Variants in SLC25A21 observed in about 807,000 individuals in gnomAD.
SLC25A21 encodes the protein mitochondrial 2-oxodicarboxylate carrier.
SLC25A21 carries 47 observed loss-of-function variants against 43.8 expected under a neutral mutation model. That is an observed-to-expected ratio of 1.07 (90% confidence interval 0.85 to 1.37). The LOEUF (loss-of-function observed/expected upper bound fraction) is 1.37, where lower values mean the gene tolerates loss of function less well. SLC25A21 is among the 40% of genes most tolerant of loss of function. The pLI, the probability that SLC25A21 is intolerant of heterozygous loss-of-function variation, is 0.00. For missense variants in SLC25A21, 352 were observed against 350.2 expected (o/e 1.00, Z -0.04); for synonymous variants, 131 against 121.3 (o/e 1.08, Z -0.52).
At chr14:37,024,825 T>G (rs1203524777) in intron 1 of SLC25A21, among the ~76,000 whole-genome samples, 4 of 152,082 alleles carry the variant, frequency 2.6e-5, no homozygotes, top group Non-Finnish European at 5.9e-5. Flanking sequence ...ATTAATCTCC[T>G]TATTTATATA....
At position 37,168,652 on chromosome 14, in the gene SLC25A21, A is replaced by G. The variant is rs943470622; in HGVS notation, c.70+3629T>C. ...CAGGATTTTGGACTAGAACCGAAAA[A>G]AAAAGCAAGTTAGTCTCTCACTCTC... On this transcript the variant is annotated intron_variant, in intron 1 of 9. Transcript: ENST00000331299. Among the ~76,000 whole-genome samples the G allele has an allele frequency of 3.9e-5, 6 of 152,030 alleles. 1 individual carries two copies. Among genetic ancestry groups the G allele is most frequent in the Admixed American group, 3.3e-4 (5 of 15,254 alleles).
intron 3 of SLC25A21, among the ~76,000 whole-genome samples, chr14:36,761,344 A>G (rs1886149399): frequency 6.6e-6 from 1 of 152,200 alleles, no homozygotes; most frequent in Non-Finnish European, 1.5e-5. Context: ...CATTCACTTC[A>G]GGCCACTTCC....
chr14:37,092,422 A>C (rs2138852540), intron 1 of SLC25A21, among the ~76,000 whole-genome samples: 1 of 152,134 alleles, frequency 6.6e-6, no homozygotes, highest in East Asian at 1.9e-4. Context: ...TGTTGCTGGC[A>C]TCCATCTCCT....
intron 2 of SLC25A21, among the ~76,000 whole-genome samples, chr14:36,866,031 T>C (rs1174509512): frequency 1.3e-5 from 2 of 152,186 alleles, no homozygotes; most frequent in African/African-American, 4.8e-5. Context: ...AGTCTTTAAC[T>C]ATATGTCTAT....
chr14:36,958,679 G>GCGCACACA (rs1399246300), intron 1 of SLC25A21, among the ~76,000 whole-genome samples: 1 of 136,844 alleles, frequency 7.3e-6, no homozygotes. Context: ...AAGCACACGT[G>GCGCACACA]CACACACACA....
chr14:36,800,234 A>G (rs76103619), intron 3 of SLC25A21, among the ~76,000 whole-genome samples: 183 of 152,280 alleles, frequency 1.2e-3, no homozygotes, highest in African/African-American at 4.3e-3. Flanking sequence ...TACACCAAAG[A>G]ACTGAAAGCA....
At chr14:37,021,288 C>G (rs542146606) in intron 1 of SLC25A21, among the ~76,000 whole-genome samples, 2 of 152,038 alleles carry the variant, frequency 1.3e-5, no homozygotes, top group South Asian at 2.1e-4. Context: ...CAGAACTTAT[C>G]AAGAGACCAC....
At chr14:37,063,331 C>T (rs1047423145) in intron 1 of SLC25A21, among the ~76,000 whole-genome samples, 1 of 151,996 alleles carries the variant, frequency 6.6e-6, no homozygotes, top group Non-Finnish European at 1.5e-5. Context: ...GAAACCCCGT[C>T]TCTACTAAAA....
Position 36,985,077 on chromosome 14 carries a change from C to CA in SLC25A21, c.71-110074dup, listed in dbSNP as rs1399165263. Among the ~76,000 whole-genome samples, 3 of 149,876 alleles carry CA rather than the reference C, an allele frequency of 2.0e-5. No homozygotes were observed. In the East Asian group the frequency reaches 6.0e-4, roughly 30 times the overall value. ...CATTCTCAGTAAACTATCACAAGAA[C>CA]AAAAAACCAAACACCGCATATTCTC... On this transcript the variant is annotated intron_variant, in intron 1 of 9. Coordinates refer to ENST00000331299, the MANE Select transcript of SLC25A21 (RefSeq NM_030631.4).
intron 2 of SLC25A21, among the ~76,000 whole-genome samples, chr14:36,866,586 A>G (rs1890221001): frequency 6.6e-6 from 1 of 152,130 alleles, no homozygotes; most frequent in Non-Finnish European, 1.5e-5. Context: ...CCCCCCACCT[A>G]GGACCTTGCT....
chr14:36,880,692 T>C (rs1890692392), intron 1 of SLC25A21, among the ~76,000 whole-genome samples: 1 of 152,230 alleles, frequency 6.6e-6, no homozygotes, highest in African/African-American at 2.4e-5. Flanking sequence ...CTGCATTTAA[T>C]TCATTAGTTT....
At chr14:37,055,749 T>C (rs574529171) in intron 1 of SLC25A21, among the ~76,000 whole-genome samples, 11 of 152,304 alleles carry the variant, frequency 7.2e-5, no homozygotes, top group Non-Finnish European at 1.5e-4. Context: ...AGATTCCTAT[T>C]TTACTCTGTT....
intron 1 of SLC25A21, among the ~76,000 whole-genome samples, chr14:37,051,334 G>A (rs1207324573): frequency 6.6e-6 from 1 of 152,178 alleles, no homozygotes; most frequent in Non-Finnish European, 1.5e-5. Flanking sequence ...GACTGGTTCT[G>A]GAAACTACAA....
At chr14:37,043,344 A>C (rs188565193) in intron 1 of SLC25A21, among the ~76,000 whole-genome samples, 1 of 152,340 alleles carries the variant, frequency 6.6e-6, no homozygotes, top group East Asian at 1.9e-4. Flanking sequence ...TCCCCAGAAT[A>C]AGGCCAAACT....
intron 1 of SLC25A21, among the ~76,000 whole-genome samples, chr14:37,149,297 C>CAG (rs1963718819): frequency 6.6e-6 from 1 of 152,164 alleles, no homozygotes; most frequent in Non-Finnish European, 1.5e-5. Context: ...AGAAAATCTA[C>CAG]TGTCACTTTC....
At chr14:37,043,608 A>G (rs1961520790) in intron 1 of SLC25A21, among the ~76,000 whole-genome samples, 1 of 152,140 alleles carries the variant, frequency 6.6e-6, no homozygotes, top group Non-Finnish European at 1.5e-5. Flanking sequence ...AGCTTGCCCT[A>G]GTCTCCATCC....
chr14:37,068,620 C>T (rs80029504), intron 1 of SLC25A21, among the ~76,000 whole-genome samples: 7,322 of 152,204 alleles, frequency 0.048, 222 homozygotes, highest in African/African-American at 0.08. Context: ...ATTTTAGTCA[C>T]TTGTCTGGAA....
intron 2 of SLC25A21, among the ~76,000 whole-genome samples, chr14:36,874,383 T>G (rs1890457847): frequency 6.6e-6 from 1 of 152,236 alleles, no homozygotes; most frequent in African/African-American, 2.4e-5. Flanking sequence ...CTAGATCATA[T>G]TATACCCCAC....
At chr14:37,061,253 T>C (rs1961942503) in intron 1 of SLC25A21, among the ~76,000 whole-genome samples, 1 of 152,114 alleles carries the variant, frequency 6.6e-6, no homozygotes, top group South Asian at 2.1e-4. Context: ...ATAAAGCACA[T>C]TTTGCTATGA....
Sources: allele counts gnomAD v4.1 joint callset (sites outside exome capture counted in the v4.1 genomes callset), GRCh38; gene constraint gnomAD v4.1.1; transcripts MANE v1.5; gene names NCBI Gene and HGNC (gene_info 2026-07-23, HGNC 2026-07-21).